FBXL2: variants seen among roughly 807,000 people sequenced by gnomAD.
FBXL2 encodes F-box/LRR-repeat protein 2.
A neutral mutation model predicts 69.2 loss-of-function variants in FBXL2; 38 were observed. That is an observed-to-expected ratio of 0.55 (90% CI 0.42 to 0.72). FBXL2 has a LOEUF of 0.72. FBXL2 is among the 30% of genes least tolerant of loss of function. The pLI is 0.00. For missense variants in FBXL2, 354 were observed against 520.3 expected (o/e 0.68, Z 3.11); for synonymous variants, 192 against 201.3 (o/e 0.95, Z 0.39).
Position 33,400,263 on chromosome 3 carries a change from G to A in FBXL2, n.1215-2971G>A, listed in dbSNP as rs1351335682. The A allele has an allele frequency of 5.0e-6, 8 of 1,600,318 alleles. No individual in the cohort carries two copies. The highest frequency in any genetic ancestry group is 1.4e-5 in the African/African-American group (1 of 73,938). ...CAGCCATTGCTGTGTTTCCTGGATC[G>A]TAGCTGAAGGCTGAATTTGCTATTA... On this transcript the variant is annotated intron_variant and non_coding_transcript_variant, in intron 12 of 12. Transcript: ENST00000463736.
intron 2 of FBXL2, among the ~76,000 whole-genome samples, chr3:33,314,607 C>G (rs111315455): frequency 6.2e-4 from 95 of 152,270 alleles, no homozygotes; most frequent in Non-Finnish European, 9.4e-4. Flanking sequence ...TTGGTACTTT[C>G]AATGGATCTT....
chr3:33,285,076 T>C (rs2034460710), intron 1 of FBXL2, among the ~76,000 whole-genome samples: 1 of 152,228 alleles, frequency 6.6e-6, no homozygotes, highest in Non-Finnish European at 1.5e-5. Context: ...AATTTGATTG[T>C]GTCATTATGA....
rs1433329881 is a variant in FBXL2, at chr3:33,386,652, T to C, written c.*1044T>C. 1 of 152,220 alleles carries C rather than the reference T, an allele frequency of 6.6e-6. No homozygotes were observed. Among genetic ancestry groups the C allele is most frequent in the African/African-American group, 2.4e-5 (1 of 41,468 alleles). The allele number at this position is 152,220 out of a possible 1,614,324, so 9.4% of individuals were successfully genotyped here. The stretch of plus-strand genomic sequence containing the variant: ...AAAAAAATTAAGTCAGAGGGTTTTA[T>C]TGCTATGATTTTATGGCAGACACAT... On this transcript the variant is annotated 3_prime_UTR_variant, in exon 15 of 15. Transcript: ENST00000484457.
At chr3:33,415,140 T>G in the FBXL2 span, among the ~76,000 whole-genome samples, 1 of 152,242 alleles carries the variant, frequency 6.6e-6, no homozygotes, top group African/African-American at 2.4e-5. Flanking sequence ...TTTAACCAGC[T>G]TGCCAAAATA....
intron 2 of FBXL2, among the ~76,000 whole-genome samples, chr3:33,314,402 TA>T (rs1361430872): frequency 2.4e-4 from 36 of 152,296 alleles, no homozygotes; most frequent in African/African-American, 8.7e-4. Flanking sequence ...ATGCCACGTA[TA>T]AGTGAGATCA....
chr3:33,289,765 G>C, intron 1 of FBXL2: 1 of 983,468 alleles, frequency 1.0e-6, no homozygotes, highest in Non-Finnish European at 1.2e-6. Flanking sequence ...GCTGGGGCAA[G>C]GGAAAGAGAG....
intron 2 of FBXL2, among the ~76,000 whole-genome samples, chr3:33,344,030 T>C (rs1291637233): frequency 6.6e-6 from 1 of 151,812 alleles, no homozygotes; most frequent in Admixed American, 6.6e-5. Flanking sequence ...TATGGTAATA[T>C]TATTGGATAT....
intron 5 of FBXL2, among the ~76,000 whole-genome samples, chr3:33,371,072 CTA>C (rs1207007551): frequency 1.3e-5 from 2 of 151,626 alleles, no homozygotes; most frequent in South Asian, 2.1e-4. Flanking sequence ...GTTGCTATTG[CTA>C]TGTCTTCAAG....
intron 4 of FBXL2, among the ~76,000 whole-genome samples, chr3:33,362,776 G>A (rs1430970841): frequency 1.3e-5 from 2 of 151,630 alleles, no homozygotes; most frequent in Non-Finnish European, 2.9e-5. Flanking sequence ...TGCTCTATTT[G>A]TAGACATTGG....
chr3:33,357,128 A>C (rs2154040293), intron 2 of FBXL2, among the ~76,000 whole-genome samples: 1 of 152,370 alleles, frequency 6.6e-6, no homozygotes, highest in Non-Finnish European at 1.5e-5. Context: ...CATGGTTGGC[A>C]CATAGTTGGT....
intron 2 of FBXL2, among the ~76,000 whole-genome samples, chr3:33,348,512 A>G (rs2040611823): frequency 6.6e-6 from 1 of 152,116 alleles, no homozygotes; most frequent in South Asian, 2.1e-4. Context: ...GATTCCGTAT[A>G]AATTTTAGGA....
In FBXL2 at chr3:33,318,916, G is replaced by A. The variant is rs1029505494; in HGVS notation, c.65+21191G>A. On this transcript the variant is annotated intron_variant, in intron 2 of 14. Transcript: ENST00000484457. ...CTAGATCTCAGTTACATGGCTGTAC[G>A]TACCTGCAAGGGGGTTTGGGAAATG... 9.9e-5 allele frequency among the ~76,000 whole-genome samples: 15 copies of A among 152,208 alleles called. No homozygotes were observed. In the South Asian group the frequency reaches 1.5e-3, roughly 15 times the overall value.
chr3:33,326,862 A>G (rs181363788), intron 2 of FBXL2, among the ~76,000 whole-genome samples: 19 of 152,322 alleles, frequency 1.2e-4, no homozygotes, highest in East Asian at 1.2e-3. Flanking sequence ...TTGTTATCCT[A>G]TTGATCTAAA....
chr3:33,393,765 C>T (rs1018392177), intron 12 of FBXL2, among the ~76,000 whole-genome samples: 1 of 152,040 alleles, frequency 6.6e-6, no homozygotes, highest in Non-Finnish European at 1.5e-5. Context: ...AATATAGTTT[C>T]ATGTATTCAA....
chr3:33,355,313 C>G (rs2041123215), intron 2 of FBXL2, among the ~76,000 whole-genome samples: 1 of 152,132 alleles, frequency 6.6e-6, no homozygotes, highest in Non-Finnish European at 1.5e-5. Context: ...TGGAAAACTA[C>G]AAAAATTACT....
chr3:33,281,947 C>T (rs1179668665), intron 1 of FBXL2, among the ~76,000 whole-genome samples: 1 of 152,110 alleles, frequency 6.6e-6, no homozygotes, highest in African/African-American at 2.4e-5. Flanking sequence ...TGGATATTAG[C>T]CCTTTGTCAG....
intron 12 of FBXL2, chr3:33,393,540 TCA>T (rs2043851760): frequency 7.6e-7 from 1 of 1,317,450 alleles, no homozygotes. Context: ...TGTACGAAGG[TCA>T]CACCTTTCAA....
At chr3:33,370,955 C>G (rs1352160029) in intron 5 of FBXL2, among the ~76,000 whole-genome samples, 1 of 129,422 alleles carries the variant, frequency 7.7e-6, no homozygotes, top group East Asian at 2.4e-4. Context: ...CTTCCTCTGT[C>G]TCTCTTATTT....
intron 1 of FBXL2, 133 bp downstream of exon 1, chr3:33,277,648 T>C (rs1179059287): frequency 6.2e-6 from 6 of 967,510 alleles, no homozygotes; most frequent in Admixed American, 4.4e-5. Flanking sequence ...CCTGCGAGGC[T>C]GCTGGGCAGG....
Sources: gnomAD v4.1 joint callset for allele counts (sites outside exome capture counted in the v4.1 genomes callset) on GRCh38, gnomAD v4.1.1 for gene constraint, MANE v1.5 for transcripts, NCBI Gene and HGNC (gene_info 2026-07-23, HGNC 2026-07-21) for gene names.